TNFAIP8: variants seen among roughly 807,000 people sequenced by gnomAD.
TNFAIP8 encodes the protein TNF alpha induced protein 8, also known as tumor necrosis factor alpha-induced protein 8.
In TNFAIP8, 7 loss-of-function variants were observed where a neutral mutation model predicts 13.3. That is an observed-to-expected ratio of 0.52 (90% CI 0.30 to 0.99). TNFAIP8 has a LOEUF of 0.99. Ranked by LOEUF, TNFAIP8 falls within the 50% of genes least tolerant of loss-of-function variation. The pLI is 0.07. For synonymous variants in TNFAIP8, 94 were observed against 87.6 expected (o/e 1.07, Z -0.41); for missense variants, 258 against 236.9 (o/e 1.09, Z -0.58).
At chr5:119,338,641 A>G (rs945368110) in intron 1 of TNFAIP8, among the ~76,000 whole-genome samples, 10 of 152,236 alleles carry the variant, frequency 6.6e-5, no homozygotes, top group Non-Finnish European at 1.2e-4. Flanking sequence ...GGAATGTTGT[A>G]AAGCCAGCAG....
chr5:119,338,777 G>A (rs1015271296), intron 1 of TNFAIP8, among the ~76,000 whole-genome samples: 6 of 152,124 alleles, frequency 3.9e-5, no homozygotes, highest in African/African-American at 1.4e-4. Flanking sequence ...AGATTTTTTT[G>A]TTGGCTCACA....
At chr5:119,272,385 A>G (rs1748316846) in intron 1 of TNFAIP8, among the ~76,000 whole-genome samples, 1 of 152,244 alleles carries the variant, frequency 6.6e-6, no homozygotes, top group South Asian at 2.1e-4. Context: ...GAAGGCAGGT[A>G]ACTTGCGTAA....
At chr5:119,281,308 T>A (rs75721160) in intron 1 of TNFAIP8, among the ~76,000 whole-genome samples, 323 of 15,748 alleles carry the variant, frequency 0.021, no homozygotes, top group East Asian at 0.12. Context: ...ACACACACAC[T>A]CTCTCTCTCT....
intron 1 of TNFAIP8, among the ~76,000 whole-genome samples, chr5:119,343,000 C>T (rs1750790779): frequency 1.3e-5 from 2 of 152,192 alleles, no homozygotes; most frequent in Admixed American, 1.3e-4. Flanking sequence ...AGTTTCCAAT[C>T]CGAGGATGGT....
Position 119,394,349 on chromosome 5 carries a change from A to G in TNFAIP8, c.*968A>G, listed in dbSNP as rs1053387760. On this transcript the variant is annotated 3_prime_UTR_variant, in exon 2 of 2. Transcript: ENST00000504771. ...AAAAATGCGTGCGTTTCAGTGTTTA[A>G]GAAGGCTTGATAAAGAATGTCACTT... 3 of 152,206 alleles carry G rather than the reference A, an allele frequency of 2.0e-5. No homozygotes were observed. Among genetic ancestry groups the G allele is most frequent in the Non-Finnish European group, 4.4e-5 (3 of 68,036 alleles). The allele number at this position is 152,206 out of a possible 1,614,324, so 9.4% of individuals were successfully genotyped here.
intron 1 of TNFAIP8, chr5:119,316,121 A>G (rs1025735823): frequency 3.3e-5 from 5 of 151,712 alleles, no homozygotes; most frequent in Non-Finnish European, 1.5e-5. Context: ...AGAACTTTGC[A>G]GATTAGAACT....
At chr5:119,292,773 G>A (rs1235022211) in intron 1 of TNFAIP8, among the ~76,000 whole-genome samples, 2 of 147,700 alleles carry the variant, frequency 1.4e-5, no homozygotes, top group Non-Finnish European at 3.0e-5. Context: ...CAAAAACATT[G>A]TGCCAGGTAA....
chr5:119,330,802 C>T (rs138142864), intron 1 of TNFAIP8, among the ~76,000 whole-genome samples: 4 of 152,136 alleles, frequency 2.6e-5, no homozygotes, highest in African/African-American at 2.4e-5. Context: ...ATAAGGTGGC[C>T]GCAGACTTCC....
chr5:119,382,326 A>C (rs559566135), intron 1 of TNFAIP8, among the ~76,000 whole-genome samples: 4 of 152,188 alleles, frequency 2.6e-5, no homozygotes, highest in Non-Finnish European at 5.9e-5. Flanking sequence ...CTGTGTACTC[A>C]TCTATCCCCG....
chr5:119,347,491 T>G (rs2112745515), intron 1 of TNFAIP8, among the ~76,000 whole-genome samples: 1 of 152,310 alleles, frequency 6.6e-6, no homozygotes, highest in South Asian at 2.1e-4. Context: ...GGACTTAATA[T>G]CATCTTTTTT....
intron 1 of TNFAIP8, among the ~76,000 whole-genome samples, chr5:119,310,899 C>T (rs1232537395): frequency 1.3e-5 from 2 of 152,078 alleles, no homozygotes; most frequent in African/African-American, 2.4e-5. Flanking sequence ...CTGTCTGGTC[C>T]CCTTCTCCTT....
intron 1 of TNFAIP8, among the ~76,000 whole-genome samples, chr5:119,320,764 C>A (rs1433641499): frequency 6.6e-6 from 1 of 151,946 alleles, no homozygotes; most frequent in Admixed American, 6.6e-5. Context: ...CATCACATCC[C>A]CTTTTTTTCT....
chr5:119,271,877 C>T (rs1331648984), intron 1 of TNFAIP8, among the ~76,000 whole-genome samples: 2 of 152,138 alleles, frequency 1.3e-5, no homozygotes, highest in Admixed American at 6.5e-5. Context: ...AAAAGGCCCT[C>T]GTAACACCCA....
chr5:119,338,458 A>G (rs1750632469), intron 1 of TNFAIP8, among the ~76,000 whole-genome samples: 1 of 152,156 alleles, frequency 6.6e-6, no homozygotes, highest in Non-Finnish European at 1.5e-5. Context: ...CCCCAGCCTT[A>G]GGACTCTGCT....
chr5:119,398,078 A>T lies in TNFAIP8; in HGVS notation c.*4697A>T, dbSNP rs1051372841. 1 of 152,200 alleles carries T rather than the reference A, an allele frequency of 6.6e-6. No homozygotes were observed. Among genetic ancestry groups the T allele is most frequent in the African/African-American group, 2.4e-5 (1 of 41,454 alleles). The allele number at this position is 152,200 out of a possible 1,614,324, so 9.4% of individuals were successfully genotyped here. A position where few individuals can be genotyped will look rare whatever the true frequency, so the allele number is the denominator to read the frequency against. The stretch of plus-strand genomic sequence containing the variant: ...GTGCTTTGGAAAATGTTCTTCAAGG[A>T]TAGAGAATTGTGCCCTATGTCCACC... On this transcript the variant is annotated 3_prime_UTR_variant, in exon 2 of 2. Coordinates refer to ENST00000504771, the MANE Select transcript of TNFAIP8 (RefSeq NM_014350.4).
chr5:119,280,711 C>A (rs1198336710), intron 1 of TNFAIP8, among the ~76,000 whole-genome samples: 1 of 152,116 alleles, frequency 6.6e-6, no homozygotes, highest in Non-Finnish European at 1.5e-5. Flanking sequence ...AATGGTGATA[C>A]TCTAATTCTA....
chr5:119,388,446 G>C (rs999642184), intron 1 of TNFAIP8, among the ~76,000 whole-genome samples: 1 of 152,182 alleles, frequency 6.6e-6, no homozygotes, highest in African/African-American at 2.4e-5. Flanking sequence ...ATTGATTGCT[G>C]CTTCTGGACC....
At chr5:119,314,515 G>T (rs1749827447) in intron 1 of TNFAIP8, among the ~76,000 whole-genome samples, 1 of 152,216 alleles carries the variant, frequency 6.6e-6, no homozygotes, top group African/African-American at 2.4e-5. Context: ...TGTGTATCAT[G>T]CATCCTCTCC....
chr5:119,329,097 G>A (rs768608493), intron 1 of TNFAIP8, among the ~76,000 whole-genome samples: 1 of 152,236 alleles, frequency 6.6e-6, no homozygotes, highest in Admixed American at 6.5e-5. Context: ...TGCCGCAGCT[G>A]TGCTGCTCAC....
Sources: allele counts gnomAD v4.1 joint callset (sites outside exome capture counted in the v4.1 genomes callset), GRCh38; gene constraint gnomAD v4.1.1; transcripts MANE v1.5; gene names NCBI Gene and HGNC (gene_info 2026-07-23, HGNC 2026-07-21).